Variants in ANKRD36C observed in about 807,000 individuals in gnomAD.
ANKRD36C encodes the protein ankyrin repeat domain 36C.
Under a neutral mutation model 276.4 loss-of-function variants are expected in ANKRD36C, and 61 were observed. The observed-to-expected ratio is 0.22, with a 90% CI of 0.18 to 0.27. The LOEUF (loss-of-function observed/expected upper bound fraction) is 0.27, where lower values mean the gene tolerates loss of function less well. Among genes scored for constraint, ANKRD36C ranks in the 10% least tolerant of loss-of-function variants. The pLI is 1.00. For synonymous variants in ANKRD36C, 483 were observed against 680.1 expected, an observed-to-expected ratio of 0.71 and a Z score of 4.51; for missense variants, 1,447 against 2,032.3, an observed-to-expected ratio of 0.71 and a Z score of 5.54.
chr2:95,962,890 T>A (rs567940143), intron 6 of ANKRD36C, among the ~76,000 whole-genome samples: 1 of 152,114 alleles, frequency 6.6e-6, no homozygotes, highest in Non-Finnish European at 1.5e-5. Context: ...CGAATCAATG[T>A]CAAAGCAGGT....
At chr2:95,980,621 C>A in intron 5 of ANKRD36C, 27 bp downstream of exon 5, 1 of 1,603,326 alleles carries the variant, frequency 6.2e-7, no homozygotes. Context: ...ATTTAGTGTT[C>A]ATTAGCCTTT....
At chr2:95,965,774 A>G (rs1678574821) in intron 6 of ANKRD36C, among the ~76,000 whole-genome samples, 1 of 152,030 alleles carries the variant, frequency 6.6e-6, no homozygotes. Context: ...CAACATGGAT[A>G]GATCTGATAT....
At chr2:95,861,260 T>G (rs889941755) in intron 60 of ANKRD36C, among the ~76,000 whole-genome samples, 1 of 151,624 alleles carries the variant, frequency 6.6e-6, no homozygotes, top group African/African-American at 2.4e-5. Context: ...ATAAAAACTA[T>G]AGTGGATGGA....
intron 6 of ANKRD36C, among the ~76,000 whole-genome samples, chr2:95,963,061 G>C (rs72935861): frequency 0.023 from 2,084 of 88,994 alleles, no homozygotes; most frequent in East Asian, 0.077. Flanking sequence ...CTCAGTGGAA[G>C]TGTCCTAAAT....
chr2:95,948,565 C>A, exon 17 of ANKRD36C: 1 of 1,531,808 alleles, frequency 6.5e-7, no homozygotes, highest in Non-Finnish European at 8.7e-7. Context: ...TTTGTCACAG[C>A]CTGTGCAAAA....
At chr2:95,958,343 T>C (rs1404784459) in intron 12 of ANKRD36C, among the ~76,000 whole-genome samples, 1 of 152,052 alleles carries the variant, frequency 6.6e-6, no homozygotes, top group Non-Finnish European at 1.5e-5. Context: ...GCCTGTTGTA[T>C]CTTGAACTGC....
chr2:95,921,127 C>T (rs1346329269), intron 34 of ANKRD36C, among the ~76,000 whole-genome samples: 1 of 150,688 alleles, frequency 6.6e-6, no homozygotes, highest in Non-Finnish European at 1.5e-5. Context: ...TCCTTCCTGT[C>T]TGACAATCCA....
intron 6 of ANKRD36C, among the ~76,000 whole-genome samples, chr2:95,967,579 G>A (rs1678617970): frequency 6.6e-6 from 1 of 152,072 alleles, no homozygotes; most frequent in Non-Finnish European, 1.5e-5. Context: ...AGACAGTGTG[G>A]TGATTCCTCA....
At chr2:95,875,446 T>C (rs1007496249) in intron 59 of ANKRD36C, among the ~76,000 whole-genome samples, 3 of 144,928 alleles carry the variant, frequency 2.1e-5, no homozygotes, top group Admixed American at 1.4e-4. Flanking sequence ...AACCAAACAC[T>C]GCATGTTCTC....
At chr2:95,853,901 C>A (rs1558615208) in intron 63 of ANKRD36C, 40 bp from the exon 84 acceptor site, 2 of 1,577,682 alleles carry the variant, frequency 1.3e-6, no homozygotes. Flanking sequence ...TTACAAATCA[C>A]CTTATTATTA....
intron 42 of ANKRD36C, among the ~76,000 whole-genome samples, chr2:95,902,657 A>C (rs1246386842): frequency 6.7e-6 from 1 of 150,028 alleles, no homozygotes; most frequent in Non-Finnish European, 1.5e-5. Flanking sequence ...ACTGCTCTCC[A>C]TATTTCTTCT....
At chr2:95,966,134 A>C (rs1573809445) in intron 6 of ANKRD36C, among the ~76,000 whole-genome samples, 1 of 152,008 alleles carries the variant, frequency 6.6e-6, no homozygotes, top group South Asian at 2.1e-4. Context: ...CCCCACACAC[A>C]CTCCCAAATA....
chr2:95,869,177 C>A (rs2104291176), intron 59 of ANKRD36C, among the ~76,000 whole-genome samples: 1 of 152,268 alleles, frequency 6.6e-6, no homozygotes, highest in African/African-American at 2.4e-5. Flanking sequence ...TAATATCAAA[C>A]TTCTTAATCT....
At position 95,908,711 on chromosome 2, in the gene ANKRD36C, G is replaced by A; in HGVS notation, c.2653+3533C>T. 1 of 1,548,368 alleles carries A rather than the reference G, an allele frequency of 6.5e-7. No homozygotes were observed. Among genetic ancestry groups the A allele is most frequent in the African/African-American group, 1.4e-5 (1 of 72,856 alleles). On this transcript the variant is annotated intron_variant, in intron 42 of 66. Coordinates refer to ENST00000456556, the Ensembl canonical transcript of ANKRD36C. The stretch of plus-strand genomic sequence containing the variant: ...GCTCAGAAGACACTGAAAAGTAAAA[G>A]GGATTCATAATCACTCATATGTAAA...
At chr2:95,988,527 G>T (rs1679077303) in intron 1 of ANKRD36C, among the ~76,000 whole-genome samples, 1 of 152,128 alleles carries the variant, frequency 6.6e-6, no homozygotes, top group South Asian at 2.1e-4. Flanking sequence ...CTGAGAGATG[G>T]TGGAATGTGT....
chr2:95,910,407 G>A (rs1246335014), intron 42 of ANKRD36C: 6 of 1,552,612 alleles, frequency 3.9e-6, no homozygotes, highest in East Asian at 4.8e-5. Context: ...TTTCTTCTCT[G>A]GCTATACTCA....
At chr2:95,928,725 C>T (rs1350399168) in intron 26 of ANKRD36C, among the ~76,000 whole-genome samples, 2 of 151,184 alleles carry the variant, frequency 1.3e-5, no homozygotes, top group African/African-American at 4.9e-5. Flanking sequence ...TGATATGATG[C>T]CTATAATATC....
chr2:95,886,705 T>C (rs971868265), intron 50 of ANKRD36C, among the ~76,000 whole-genome samples: 43 of 151,746 alleles, frequency 2.8e-4, no homozygotes, highest in Admixed American at 2.4e-3. Flanking sequence ...AGGTACACAA[T>C]TACAATGACA....
At chr2:95,979,769 A>G (rs929702106) in intron 5 of ANKRD36C, among the ~76,000 whole-genome samples, 6 of 152,146 alleles carry the variant, frequency 3.9e-5, no homozygotes, top group African/African-American at 1.4e-4. Context: ...TATTTGCTTT[A>G]AAGAGAAAAA....
Sources: allele counts gnomAD v4.1 joint callset (sites outside exome capture counted in the v4.1 genomes callset), GRCh38; gene constraint gnomAD v4.1.1; transcripts MANE v1.5; gene names NCBI Gene and HGNC (gene_info 2026-07-23, HGNC 2026-07-21).